The following UTRN variants were observed in gnomAD, a reference collection of about 807,000 sequenced individuals.
UTRN encodes the protein dystrophin-related protein 1.
In UTRN, 283 loss-of-function variants were observed where a neutral mutation model predicts 463.9. The ratio of observed to expected loss-of-function variants is 0.61; its 90% confidence interval spans 0.55 to 0.67. The LOEUF is 0.67. Ranked by LOEUF, UTRN falls within the 30% of genes least tolerant of loss-of-function variation. UTRN has a pLI of 0.00. For missense variants in UTRN, 3,922 were observed against 4,084.3 expected (o/e 0.96, Z 1.08); for synonymous variants, 1,442 against 1,431.5 (o/e 1.01, Z -0.17).
At chr6:144,597,909 C>A (rs1167926651) in intron 51 of UTRN, among the ~76,000 whole-genome samples, 2 of 152,212 alleles carry the variant, frequency 1.3e-5, no homozygotes, top group South Asian at 2.1e-4. Context: ...TTTTAAACTT[C>A]TTTATATCTA....
chr6:144,545,432 C>G (rs1798315038), intron 46 of UTRN, among the ~76,000 whole-genome samples: 2 of 152,196 alleles, frequency 1.3e-5, no homozygotes, highest in Admixed American at 1.3e-4. Context: ...AATCACATTT[C>G]TTACTACTTT....
chr6:144,628,899 G>C (rs1480877638), intron 51 of UTRN, among the ~76,000 whole-genome samples: 1 of 152,188 alleles, frequency 6.6e-6, no homozygotes, highest in Non-Finnish European at 1.5e-5. Context: ...TGGTTTAACT[G>C]ATCAGGGCAT....
intron 28 of UTRN, among the ~76,000 whole-genome samples, chr6:144,487,326 TATATC>T (rs1441567779): frequency 1.3e-5 from 2 of 152,168 alleles, no homozygotes; most frequent in Non-Finnish European, 2.9e-5. Flanking sequence ...TTTGTGAAAT[TATATC>T]ATATATCACT....
intron 2 of UTRN, among the ~76,000 whole-genome samples, chr6:144,334,237 A>G (rs1309917918): frequency 1.5e-5 from 2 of 131,738 alleles, no homozygotes; most frequent in Non-Finnish European, 3.1e-5. Context: ...GTTGCTGGCT[A>G]TTCTTGCATA....
intron 61 of UTRN, among the ~76,000 whole-genome samples, chr6:144,784,491 A>G (rs991440758): frequency 3.3e-5 from 5 of 152,176 alleles, no homozygotes; most frequent in African/African-American, 1.2e-4. Context: ...ATATCAGATT[A>G]TGACCCACTC....
At chr6:144,662,484 C>T (rs1779972553) in intron 51 of UTRN, among the ~76,000 whole-genome samples, 1 of 152,206 alleles carries the variant, frequency 6.6e-6, no homozygotes, top group African/African-American at 2.4e-5. Context: ...AATTCTCAGT[C>T]CTGTCTCTTC....
At position 144,423,591 on chromosome 6, in the gene UTRN, G is replaced by A. The variant is rs745802382; in HGVS notation, c.277G>A (p.Val93Ile). The A allele has an allele frequency of 4.3e-5, 69 of 1,614,082 alleles. No homozygotes were observed. Among genetic ancestry groups the A allele is most frequent in the South Asian group, 1.2e-4 (11 of 91,090 alleles). Residue 93 changes from valine (V) to isoleucine (I), a missense_variant, in exon 5 of 75, where the codon GTC becomes ATC. By Grantham distance (29) the Val-to-Ile change is conservative. Transcript: ENST00000367545. ...GSTRVHALNNVNRVLQVLHQN... is the reference protein window; with the variant it reads ...GSTRVHALNNINRVLQVLHQN... The stretch of plus-strand genomic sequence containing the variant: ...CACAAGGGTACATGCCTTAAATAAC[G>A]TCAACAGAGTGCTGCAGGTTTTACA...
intron 27 of UTRN, among the ~76,000 whole-genome samples, chr6:144,484,432 C>CTTTTTTT (rs765122659): frequency 4.5e-5 from 3 of 66,254 alleles, no homozygotes; most frequent in African/African-American, 7.6e-5. Flanking sequence ...AAAAACCAAA[C>CTTTTTTT]TTTTTTTTTT....
intron 29 of UTRN, among the ~76,000 whole-genome samples, chr6:144,488,012 G>C (rs572541219): frequency 5.9e-5 from 9 of 152,146 alleles, no homozygotes; most frequent in African/African-American, 2.2e-4. Flanking sequence ...TAAATATTAG[G>C]GCCATGATAT....
chr6:144,435,809 C>T, intron 9 of UTRN, 126 bp from the exon 10 acceptor site: 1 of 986,216 alleles, frequency 1.0e-6, no homozygotes, highest in East Asian at 2.6e-5. Flanking sequence ...CCATTTGGCT[C>T]CTGAGAATTG....
chr6:144,437,651 G>C lies in UTRN; in HGVS notation c.1146G>C (p.Leu382=). Residue 382 remains leucine, a synonymous_variant, in exon 11 of 75, where the codon CTG becomes CTC. Coordinates refer to ENST00000367545, the MANE Select transcript of UTRN (RefSeq NM_007124.3). The stretch of plus-strand genomic sequence containing the variant: ...ACCAACTGATAACACAAGGAACTCT[G>C]TCAGACGAAGAAGAATTTGAGATTC... ...AGNQLITQGT[L]SDEEEFEIQE... 6.2e-7 allele frequency: 1 copy of C among 1,614,156 alleles called. No individual in the cohort carries two copies. The highest frequency in any genetic ancestry group is 8.5e-7 in the Non-Finnish European group (1 of 1,180,038).
intron 9 of UTRN, 66 bp from the exon 10 acceptor site, chr6:144,435,869 G>A: frequency 3.2e-6 from 5 of 1,557,434 alleles, no homozygotes; most frequent in Non-Finnish European, 4.4e-6. Flanking sequence ...GCCATACAGT[G>A]TGAGTTTGCT....
intron 2 of UTRN, among the ~76,000 whole-genome samples, chr6:144,395,709 A>G (rs773718172): frequency 1.3e-5 from 2 of 152,176 alleles, no homozygotes; most frequent in Non-Finnish European, 2.9e-5. Context: ...TAAATGTGAA[A>G]AAGCAATTTC....
At chr6:144,550,839 G>A (rs897438457) in intron 47 of UTRN, 126 bp from the exon 48 acceptor site, 3 of 650,338 alleles carry the variant, frequency 4.6e-6, no homozygotes, top group African/African-American at 3.7e-5. Flanking sequence ...CTGCCACGTT[G>A]CTGATGCTTC....
intron 65 of UTRN, among the ~76,000 whole-genome samples, chr6:144,820,157 AT>A (rs1404940961): frequency 7.6e-6 from 1 of 131,748 alleles, no homozygotes; most frequent in Non-Finnish European, 1.6e-5. Context: ...ATGGGATAGG[AT>A]GATGGGGTGG....
At chr6:144,450,929 A>G (rs188951304) in intron 17 of UTRN, among the ~76,000 whole-genome samples, 7 of 152,318 alleles carry the variant, frequency 4.6e-5, no homozygotes, top group African/African-American at 7.2e-5. Flanking sequence ...CCTGGCCAAC[A>G]TGGTGAAACT....
At chr6:144,716,460 T>C in intron 53 of UTRN, among the ~76,000 whole-genome samples, 1 of 152,126 alleles carries the variant, frequency 6.6e-6, no homozygotes. Flanking sequence ...AAGCAAAATA[T>C]AAAGGGAAAG....
intron 2 of UTRN, among the ~76,000 whole-genome samples, chr6:144,400,033 T>C (rs571947294): frequency 9.2e-5 from 14 of 152,296 alleles, no homozygotes; most frequent in African/African-American, 3.4e-4. Flanking sequence ...TTTTTCTTCT[T>C]CTAATTCAGT....
At chr6:144,309,668 C>CT (rs1363905436) in intron 2 of UTRN, among the ~76,000 whole-genome samples, 1 of 152,216 alleles carries the variant, frequency 6.6e-6, no homozygotes, top group Non-Finnish European at 1.5e-5. Context: ...ACTTGTCTCT[C>CT]TGCTTCCTCC....
Sources: gnomAD v4.1 joint callset for allele counts (sites outside exome capture counted in the v4.1 genomes callset) on GRCh38, gnomAD v4.1.1 for gene constraint, MANE v1.5 for transcripts, NCBI Gene and HGNC (gene_info 2026-07-23, HGNC 2026-07-21) for gene names.